MCM6: variants seen among roughly 807,000 people sequenced by gnomAD.
MCM6 encodes DNA replication licensing factor MCM6.
A neutral mutation model predicts 94.3 loss-of-function variants in MCM6; 46 were observed. That is an observed-to-expected ratio of 0.49 (90% CI 0.39 to 0.62). The LOEUF (loss-of-function observed/expected upper bound fraction) is 0.62, where lower values mean the gene tolerates loss of function less well. Among genes scored for constraint, MCM6 ranks in the 20% least tolerant of loss-of-function variants. The pLI is 0.00. For synonymous variants in MCM6, 335 were observed against 351.9 expected (o/e 0.95, Z 0.54); for missense variants, 865 against 1,017.9 (o/e 0.85, Z 2.04).
rs1679624016 is a variant in MCM6 at position 135,843,844 on chromosome 2, A to G, written c.2349+701T>C. Among the ~76,000 whole-genome samples, 5 of 152,066 alleles carry G rather than the reference A, an allele frequency of 3.3e-5. No individual in the cohort carries two copies. In the South Asian group the frequency reaches 8.3e-4, roughly 25 times the overall value. ...CTCAGAACCAAGTGAGGAAGACACT[A>G]TTTGTAGGAGTGATCAACTGTGACA... On this transcript the variant is annotated intron_variant, in intron 16 of 16. Transcript: ENST00000264156.
At chr2:135,861,153 C>T (rs925646871) in intron 8 of MCM6, among the ~76,000 whole-genome samples, 2 of 152,102 alleles carry the variant, frequency 1.3e-5, no homozygotes, top group Non-Finnish European at 2.9e-5. Flanking sequence ...AATCATAAAA[C>T]TCCAAACCAA....
Position 135,840,911 on chromosome 2 carries a change from C to T in MCM6, c.2390G>A (p.Gly797Asp). 6.2e-7 allele frequency: 1 copy of T among 1,614,156 alleles called. No individual in the cohort carries two copies. Among genetic ancestry groups the T allele is most frequent in the African/African-American group, 1.3e-5 (1 of 75,048 alleles). Residue 797 changes from glycine (G) to aspartate (D), a missense_variant, in exon 17 of 17, where the codon GGC becomes GAC. By Grantham distance (94) the Gly-to-Asp change is moderately conservative. Around this residue, in one of 3 missense-constraint regions of MCM6, gnomAD observed 308 missense variants for 324.5 expected, o/e 0.95. Transcript: ENST00000264156. ...ATAGCTCTCACTTCCCTCTGTGGAGCCTTTCAATCCAGCCTGGGTGAGCTC... is the reference window on the plus strand; with the variant it reads ...ATAGCTCTCACTTCCCTCTGTGGAGTCTTTCAATCCAGCCTGGGTGAGCTC... ...LIELTQAGLK[G>D]STEGSESYEE...
chr2:135,852,948 C>T, intron 11 of MCM6, 33 bp from the exon 12 acceptor site: 1 of 1,565,074 alleles, frequency 6.4e-7, no homozygotes, highest in South Asian at 1.2e-5. Context: ...CTTTGATAGT[C>T]ACAGCAATAT....
At chr2:135,850,483 A>AT (rs964585761) in intron 13 of MCM6, among the ~76,000 whole-genome samples, 77 of 152,232 alleles carry the variant, frequency 5.1e-4, no homozygotes, top group African/African-American at 1.9e-3. Flanking sequence ...GCTCTCATTC[A>AT]TTTTTTGTCC....
chr2:135,846,509 T>C, intron 14 of MCM6, 117 bp from the exon 15 acceptor site: 1 of 816,688 alleles, frequency 1.2e-6, no homozygotes, highest in Non-Finnish European at 1.9e-6. Flanking sequence ...TTAAAAATTA[T>C]TATTATTATT....
At chr2:135,850,133 T>C (rs4988243) in intron 13 of MCM6, among the ~76,000 whole-genome samples, 11,518 of 152,252 alleles carry the variant, frequency 0.076, 591 homozygotes, top group Middle Eastern at 0.22. Context: ...AGCATGGTTT[T>C]AGAATGACCT....
rs1427786043 is a variant in MCM6 at position 135,862,682 on chromosome 2, TCTC to T, written c.1142_1144del (p.Gly381del). On this transcript the variant is annotated inframe_deletion, in exon 8 of 17. Coordinates refer to ENST00000264156, the MANE Select transcript of MCM6 (RefSeq NM_005915.6). ...TATGTCCCCTCGAAGAGAGGTCCCT[TCTC>T]CTGTTGTCTTTGGAACGCCACCAAA... is the stretch of plus-strand genomic sequence containing the variant. The T allele has an allele frequency of 1.9e-6, 3 of 1,614,126 alleles. No individual in the cohort carries two copies. The highest frequency in any genetic ancestry group is 2.2e-5 in the East Asian group (1 of 44,886).
intron 4 of MCM6, among the ~76,000 whole-genome samples, chr2:135,867,638 C>T (rs746860968): frequency 1.3e-5 from 2 of 152,168 alleles, no homozygotes; most frequent in Non-Finnish European, 2.9e-5. Flanking sequence ...CCCCTTCATT[C>T]TTACTACTGC....
chr2:135,871,036 A>G (rs1680189783), intron 2 of MCM6, among the ~76,000 whole-genome samples: 1 of 152,158 alleles, frequency 6.6e-6, no homozygotes, highest in Non-Finnish European at 1.5e-5. Context: ...TACAGGTGTG[A>G]GCCACCACAT....
intron 1 of MCM6, among the ~76,000 whole-genome samples, chr2:135,874,732 T>C (rs1372427276): frequency 6.6e-6 from 1 of 152,128 alleles, no homozygotes; most frequent in Non-Finnish European, 1.5e-5. Flanking sequence ...ATTGGTTAAG[T>C]ATAATGTAAA....
At chr2:135,841,308 C>T (rs1312007121) in intron 16 of MCM6, among the ~76,000 whole-genome samples, 1 of 134,086 alleles carries the variant, frequency 7.5e-6, no homozygotes, top group Non-Finnish European at 1.6e-5. Flanking sequence ...CTGTTTCATA[C>T]TTAATATCAT....
At chr2:135,862,568 A>G in intron 8 of MCM6, 39 bp downstream of exon 8, 15 of 1,611,798 alleles carry the variant, frequency 9.3e-6, no homozygotes, top group Non-Finnish European at 1.2e-5. Flanking sequence ...GGAACTATGT[A>G]CACTTTTTCC....
At chr2:135,858,968 T>A (rs770134605) in intron 9 of MCM6, among the ~76,000 whole-genome samples, 4 of 152,160 alleles carry the variant, frequency 2.6e-5, no homozygotes, top group Non-Finnish European at 5.9e-5. Context: ...CTTGGCTCAA[T>A]GCAGCCTCCA....
Position 135,866,747 on chromosome 2 carries a change from A to G in MCM6, c.616-19T>C. The G allele has an allele frequency of 6.3e-7, 1 of 1,575,894 alleles. No individual in the cohort carries two copies. The highest frequency in any genetic ancestry group is 2.2e-5 in the East Asian group (1 of 44,522). On this transcript the variant is annotated intron_variant, in intron 4 of 16. Coordinates refer to ENST00000264156, the MANE Select transcript of MCM6 (RefSeq NM_005915.6). ...TACGAACCTGTAATACAGACAAACA[A>G]CCAACCAAGAATGAGAAGCAATACC... is the stretch of plus-strand genomic sequence containing the variant.
intron 10 of MCM6, among the ~76,000 whole-genome samples, chr2:135,857,668 A>C (rs1323264740): frequency 1.3e-5 from 2 of 152,204 alleles, no homozygotes; most frequent in African/African-American, 4.8e-5. Flanking sequence ...CAAAGAAAAT[A>C]AAAGCTTTGT....
At chr2:135,845,532 CT>C (rs1447725965) in intron 15 of MCM6, among the ~76,000 whole-genome samples, 5 of 152,198 alleles carry the variant, frequency 3.3e-5, no homozygotes, top group Admixed American at 3.3e-4. Flanking sequence ...ACTACAATCT[CT>C]TGTTCTCTTC....
At chr2:135,864,060 G>A (rs576629983) in intron 7 of MCM6, among the ~76,000 whole-genome samples, 3 of 150,932 alleles carry the variant, frequency 2.0e-5, no homozygotes, top group Non-Finnish European at 3.0e-5. Context: ...GCAGTGAGCT[G>A]AGATCACGCC....
chr2:135,868,775 G>T lies in MCM6; in HGVS notation c.451C>A (p.Leu151Ile). The change falls in exon 4 of 17, where the codon CTT becomes ATT. Residue 151 changes from leucine to isoleucine, a missense_variant. Transcript: ENST00000264156. Reference protein sequence around the residue: ...VVRTHPVHPELVSGTFLCLDC... With the variant: ...VVRTHPVHPEIVSGTFLCLDC... ...AAGCACAGAAAAGTTCCGCTCACAA[G>T]CTCTGGGTGAACTGGGTGAGTCCGC... The T allele has an allele frequency of 6.2e-7, 1 of 1,614,188 alleles. No individual in the cohort carries two copies. Among genetic ancestry groups the T allele is most frequent in the Non-Finnish European group, 8.5e-7 (1 of 1,180,040 alleles).
intron 12 of MCM6, chr2:135,851,781 G>A (rs1177953041): frequency 5.4e-6 from 2 of 373,678 alleles, no homozygotes; most frequent in South Asian, 8.4e-5. Flanking sequence ...TTATGAACCT[G>A]AAAAAAGGCT....
Sources: gnomAD v4.1 joint callset for allele counts (sites outside exome capture counted in the v4.1 genomes callset) on GRCh38, gnomAD v4.1.1 for gene constraint, gnomAD v4.1.1 regional missense constraint, MANE v1.5 for transcripts, NCBI Gene and HGNC (gene_info 2026-07-23, HGNC 2026-07-21) for gene names.